Variants in GABPB1 observed in about 807,000 individuals in gnomAD.
GABPB1 encodes GA-binding protein subunit beta-1.
A neutral mutation model predicts 45.9 loss-of-function variants in GABPB1; 15 were observed. That is an observed-to-expected ratio of 0.33 (90% CI 0.22 to 0.50). GABPB1 has a LOEUF of 0.50. Among genes scored for constraint, GABPB1 ranks in the 20% least tolerant of loss-of-function variants. The pLI is 0.98. For synonymous variants in GABPB1, 143 were observed against 154.4 expected, an observed-to-expected ratio of 0.93 and a Z score of 0.55; for missense variants, 252 against 457.5, an observed-to-expected ratio of 0.55 and a Z score of 4.10.
chr15:50,327,314 A>G (rs2047804172), intron 1 of GABPB1: 1 of 152,170 alleles, frequency 6.6e-6, no homozygotes, highest in South Asian at 2.1e-4. Context: ...AGAAGTTCTC[A>G]TACACATCCC....
At chr15:50,304,737 A>T (rs1776968292) in intron 2 of GABPB1, among the ~76,000 whole-genome samples, 1 of 151,936 alleles carries the variant, frequency 6.6e-6, no homozygotes, top group South Asian at 2.1e-4. Context: ...AAAAGAAATC[A>T]GAGATAGAGT....
chr15:50,309,942 T>G lies in GABPB1; in HGVS notation c.1-144A>C, dbSNP rs2047074199. On this transcript the variant is annotated intron_variant, in intron 1 of 8. Coordinates refer to ENST00000380877, the MANE Select transcript of GABPB1 (RefSeq NM_016654.5). ...GCTATGGTTAATTTAAAATTACAGA[T>G]CATACAAAAGCAATTTATATTTGGA... 7 of 511,994 alleles carry G rather than the reference T, an allele frequency of 1.4e-5. No homozygotes were observed. The East Asian group carries it at 2.2e-4, about 16-fold the overall frequency. The allele number at this position is 511,994 out of a possible 1,614,324, so 31.7% of individuals were successfully genotyped here. A position where few individuals can be genotyped will look rare whatever the true frequency, so the allele number is the denominator to read the frequency against.
chr15:50,333,070 TAACTTATTAAGCCAATA>T (rs1001853551), intron 1 of GABPB1, among the ~76,000 whole-genome samples: 3 of 152,136 alleles, frequency 2.0e-5, no homozygotes, highest in African/African-American at 7.2e-5. Context: ...AATAACTTAA[TAACTTATTAAGCCAATA>T]AACTTAAAAA....
intron 6 of GABPB1, among the ~76,000 whole-genome samples, chr15:50,298,638 C>G (rs2046610053): frequency 1.3e-5 from 2 of 152,074 alleles, no homozygotes; most frequent in Non-Finnish European, 2.9e-5. Flanking sequence ...GCTACAGAAG[C>G]TAAAGAATGG....
chr15:50,295,763 C>G (rs2046488935), intron 6 of GABPB1, among the ~76,000 whole-genome samples: 1 of 151,982 alleles, frequency 6.6e-6, no homozygotes, highest in Admixed American at 6.6e-5. Context: ...CAACACATTC[C>G]CCTCCACCAC....
chr15:50,279,782 C>T (rs534263995), intron 8 of GABPB1, among the ~76,000 whole-genome samples: 9 of 152,224 alleles, frequency 5.9e-5, no homozygotes, highest in African/African-American at 2.2e-4. Flanking sequence ...GGCCAGGGGT[C>T]GGACTATCAC....
intron 7 of GABPB1, among the ~76,000 whole-genome samples, chr15:50,286,724 C>CGG (rs2046170298): frequency 6.6e-6 from 1 of 152,084 alleles, no homozygotes; most frequent in African/African-American, 2.4e-5. Context: ...GTGCATATTC[C>CGG]ATTATGAGCA....
chr15:50,284,446 C>T (rs1338623983), intron 8 of GABPB1, among the ~76,000 whole-genome samples: 1 of 152,112 alleles, frequency 6.6e-6, no homozygotes, highest in African/African-American at 2.4e-5. Flanking sequence ...TCATACCAAG[C>T]TAAAACTGAA....
chr15:50,285,244 G>A (rs1432615231), intron 8 of GABPB1, among the ~76,000 whole-genome samples: 1 of 152,050 alleles, frequency 6.6e-6, no homozygotes, highest in Admixed American at 6.6e-5. Context: ...CGAAAATGGA[G>A]ACATTATTAT....
chr15:50,317,425 A>G (rs1595792330), intron 1 of GABPB1, among the ~76,000 whole-genome samples: 1 of 149,710 alleles, frequency 6.7e-6, no homozygotes, highest in Non-Finnish European at 1.5e-5. Context: ...AAGAAAGAAA[A>G]AAAAAAACCA....
At chr15:50,297,526 T>C (rs115671273) in intron 6 of GABPB1, among the ~76,000 whole-genome samples, 3,070 of 152,264 alleles carry the variant, frequency 0.02, 103 homozygotes, top group African/African-American at 0.071. Context: ...TCTTTTTAAG[T>C]AAGCTTTTAA....
At chr15:50,323,119 C>T (rs2141099464) in intron 1 of GABPB1, among the ~76,000 whole-genome samples, 1 of 152,252 alleles carries the variant, frequency 6.6e-6, no homozygotes, top group South Asian at 2.1e-4. Context: ...ACCTGCAGTA[C>T]CAGCTACTTG....
intron 1 of GABPB1, chr15:50,354,750 G>A (rs1263503113): frequency 6.8e-6 from 2 of 295,246 alleles, no homozygotes; most frequent in East Asian, 1.5e-4. Flanking sequence ...GCCCCTCCCA[G>A]AAGCAGTGTG....
intron 8 of GABPB1, among the ~76,000 whole-genome samples, chr15:50,281,174 A>G (rs1270135466): frequency 2.0e-5 from 3 of 152,236 alleles, no homozygotes; most frequent in African/African-American, 7.2e-5. Context: ...CATGCTGAAT[A>G]CATTTAATCT....
intron 6 of GABPB1, among the ~76,000 whole-genome samples, chr15:50,294,342 C>G (rs1339249785): frequency 6.6e-6 from 1 of 151,968 alleles, no homozygotes; most frequent in African/African-American, 2.4e-5. Flanking sequence ...GGTGAAACCC[C>G]GTCTCTACTA....
intron 1 of GABPB1, among the ~76,000 whole-genome samples, chr15:50,317,626 G>A (rs2047386424): frequency 6.6e-6 from 1 of 151,722 alleles, no homozygotes; most frequent in South Asian, 2.1e-4. Flanking sequence ...ATTAGATATT[G>A]AGGCTGGGCG....
At chr15:50,334,590 T>C (rs8043257) in intron 1 of GABPB1, among the ~76,000 whole-genome samples, 95,629 of 146,600 alleles carry the variant, frequency 0.65, 32,415 homozygotes, top group African/African-American at 0.83. Flanking sequence ...TCACTATAAC[T>C]TTGACTTCCT....
In GABPB1 at chr15:50,308,006, AT is replaced by A. The variant is rs376862031; in HGVS notation, c.108+1684del. ...TTTTATCTGTGACATAGTCTGGATC[AT>A]TTTTTTTTTCATACCTTTCAGTTTA... On this transcript the variant is annotated intron_variant, in intron 2 of 8. Transcript: ENST00000380877. Among the ~76,000 whole-genome samples, 282 of 145,398 alleles carry A rather than the reference AT, an allele frequency of 1.9e-3. 1 individual carries two copies. Among genetic ancestry groups the A allele is most frequent in the Middle Eastern group, 0.011 (3 of 272 alleles).
chr15:50,354,563 C>G (rs761274276), intron 1 of GABPB1: 2 of 449,906 alleles, frequency 4.4e-6, no homozygotes, highest in South Asian at 3.1e-5. Flanking sequence ...CCGCGCCTGC[C>G]TTCCTCTTTC....
Sources: gnomAD v4.1 joint callset for allele counts (sites outside exome capture counted in the v4.1 genomes callset) on GRCh38, gnomAD v4.1.1 for gene constraint, MANE v1.5 for transcripts, NCBI Gene and HGNC (gene_info 2026-07-23, HGNC 2026-07-21) for gene names.